OXR1: variants seen among roughly 807,000 people sequenced by gnomAD.
OXR1 encodes oxidation resistance protein 1.
In OXR1, 41 loss-of-function variants were observed where a neutral mutation model predicts 104.6. The observed-to-expected ratio is 0.39, with a 90% CI of 0.31 to 0.51. The LOEUF (loss-of-function observed/expected upper bound fraction) is 0.51. Ranked by LOEUF, OXR1 falls within the 20% of genes least tolerant of loss-of-function variation. OXR1 has a pLI of 0.77. For missense variants in OXR1, 955 were observed against 1,031.9 expected (o/e 0.93, Z 1.02); for synonymous variants, 348 against 348.4 (o/e 1.00, Z 0.01).
chr8:106,383,353 A>G (rs1250831487), intron 2 of OXR1, among the ~76,000 whole-genome samples: 2 of 152,136 alleles, frequency 1.3e-5, no homozygotes, highest in Non-Finnish European at 2.9e-5. Flanking sequence ...ATAATAGGCC[A>G]TGTTGTATTA....
chr8:106,409,529 C>G (rs1480004646), intron 2 of OXR1, among the ~76,000 whole-genome samples: 2 of 152,088 alleles, frequency 1.3e-5, no homozygotes, highest in African/African-American at 2.4e-5. Flanking sequence ...TTTAAATGTA[C>G]TGAACACACA....
intron 11 of OXR1, among the ~76,000 whole-genome samples, chr8:106,736,043 C>T (rs1279421040): frequency 2.0e-5 from 3 of 152,174 alleles, no homozygotes; most frequent in Non-Finnish European, 2.9e-5. Context: ...GGGCACTATA[C>T]TCAGTCCTTA....
chr8:106,585,340 A>G (rs1818549632), intron 3 of OXR1, among the ~76,000 whole-genome samples: 1 of 151,924 alleles, frequency 6.6e-6, no homozygotes, highest in Admixed American at 6.6e-5. Context: ...CTTTTCTTAC[A>G]CCCTAGTGCA....
chr8:106,585,956 T>C (rs1175494359), intron 3 of OXR1, among the ~76,000 whole-genome samples: 1 of 152,216 alleles, frequency 6.6e-6, no homozygotes, highest in East Asian at 1.9e-4. Context: ...GGCTAAATTA[T>C]ATGACATCTT....
chr8:106,371,713 T>C (rs937794311), intron 2 of OXR1, among the ~76,000 whole-genome samples: 1 of 152,072 alleles, frequency 6.6e-6, no homozygotes, highest in Admixed American at 6.6e-5. Flanking sequence ...TTTCAGTGAG[T>C]TTCTTGATAC....
intron 2 of OXR1, among the ~76,000 whole-genome samples, chr8:106,391,240 CA>C (rs1439703205): frequency 6.6e-6 from 1 of 152,054 alleles, no homozygotes; most frequent in African/African-American, 2.4e-5. Flanking sequence ...CATTTTTTCA[CA>C]ACTAAAAGTT....
intron 2 of OXR1, among the ~76,000 whole-genome samples, chr8:106,426,575 T>C (rs963683112): frequency 2.0e-5 from 3 of 152,160 alleles, no homozygotes; most frequent in African/African-American, 7.2e-5. Flanking sequence ...AGGAATATGA[T>C]CAATTTAAAA....
intron 1 of OXR1, among the ~76,000 whole-genome samples, chr8:106,282,017 A>G (rs1285752241): frequency 6.6e-6 from 1 of 152,082 alleles, no homozygotes; most frequent in East Asian, 1.9e-4. Flanking sequence ...CCATTTATCA[A>G]TATATATACA....
At chr8:106,314,751 T>C (rs2130148554) in intron 1 of OXR1, among the ~76,000 whole-genome samples, 1 of 152,330 alleles carries the variant, frequency 6.6e-6, no homozygotes, top group African/African-American at 2.4e-5. Flanking sequence ...CTCTGGCATA[T>C]ATAGGCATAG....
At chr8:106,422,969 C>T (rs935540561) in intron 2 of OXR1, among the ~76,000 whole-genome samples, 3 of 151,964 alleles carry the variant, frequency 2.0e-5, no homozygotes, top group Non-Finnish European at 2.9e-5. Context: ...AGAGACAATC[C>T]CCTGGCTGGC....
At chr8:106,551,809 T>TACAC (rs1167241177) in intron 3 of OXR1, among the ~76,000 whole-genome samples, 84 of 132,500 alleles carry the variant, frequency 6.3e-4, no homozygotes, top group Middle Eastern at 3.8e-3. Flanking sequence ...TATATATATA[T>TACAC]ATATACACAC....
chr8:106,484,530 A>G (rs767531807), intron 2 of OXR1, among the ~76,000 whole-genome samples: 38 of 152,078 alleles, frequency 2.5e-4, no homozygotes, highest in Admixed American at 5.9e-4. Flanking sequence ...CACCACACTA[A>G]ATAAAATATA....
At chr8:106,502,648 A>T (rs1274749585) in intron 2 of OXR1, among the ~76,000 whole-genome samples, 1 of 152,190 alleles carries the variant, frequency 6.6e-6, no homozygotes, top group South Asian at 2.1e-4. Flanking sequence ...TTCGTTTTAT[A>T]TAATAACATG....
chr8:106,377,944 A>C (rs568597651), intron 2 of OXR1, among the ~76,000 whole-genome samples: 1 of 152,120 alleles, frequency 6.6e-6, no homozygotes, highest in South Asian at 2.1e-4. Flanking sequence ...TATAGGTGCT[A>C]TCTTCTTTTT....
chr8:106,468,046 G>T (rs1263949582), intron 2 of OXR1, among the ~76,000 whole-genome samples: 1 of 151,736 alleles, frequency 6.6e-6, no homozygotes, highest in African/African-American at 2.4e-5. Context: ...AGTCTGTGGT[G>T]GTAATGATTA....
intron 3 of OXR1, chr8:106,658,144 C>T (rs1428322504): frequency 1.9e-5 from 24 of 1,245,654 alleles, no homozygotes; most frequent in Admixed American, 4.2e-5. Context: ...TGCGGGTCCC[C>T]GCCCCACCGG....
intron 1 of OXR1, among the ~76,000 whole-genome samples, chr8:106,299,182 G>A (rs1176971664): frequency 1.3e-5 from 2 of 151,336 alleles, no homozygotes; most frequent in Non-Finnish European, 2.9e-5. Flanking sequence ...TTTCATTCTG[G>A]ACTGAGGCTG....
chr8:106,629,067 C>T (rs1334838189), intron 3 of OXR1, among the ~76,000 whole-genome samples: 1 of 152,156 alleles, frequency 6.6e-6, no homozygotes, highest in Non-Finnish European at 1.5e-5. Flanking sequence ...AAGACAAAAT[C>T]ACCCTCTTTT....
chr8:106,424,419 G>A (rs1819028099), intron 2 of OXR1, among the ~76,000 whole-genome samples: 3 of 151,952 alleles, frequency 2.0e-5, no homozygotes, highest in African/African-American at 4.8e-5. Flanking sequence ...ATATAGTATG[G>A]TAATTTCCCC....
Sources: allele counts gnomAD v4.1 joint callset (sites outside exome capture counted in the v4.1 genomes callset), GRCh38; gene constraint gnomAD v4.1.1; transcripts MANE v1.5; gene names NCBI Gene and HGNC (gene_info 2026-07-23, HGNC 2026-07-21).